RHPN2: variants seen among roughly 807,000 people sequenced by gnomAD.
The protein encoded by RHPN2 is rhophilin Rho GTPase binding protein 2.
RHPN2 carries 40 observed loss-of-function variants against 79.0 expected under a neutral mutation model. That is an observed-to-expected ratio of 0.51 (90% CI 0.39 to 0.66). The LOEUF is 0.66. Ranked by LOEUF, RHPN2 falls within the 30% of genes least tolerant of loss-of-function variation. The pLI is 0.00. For synonymous variants in RHPN2, 285 were observed against 363.5 expected (o/e 0.78, Z 2.46); for missense variants, 686 against 883.5 (o/e 0.78, Z 2.83).
At chr19:32,997,228 C>G (rs910672767) in intron 10 of RHPN2, among the ~76,000 whole-genome samples, 1 of 152,204 alleles carries the variant, frequency 6.6e-6, no homozygotes, top group Non-Finnish European at 1.5e-5. Context: ...TATGTAATAA[C>G]CTCACTTGTG....
intron 1 of RHPN2, 29 bp downstream of exon 1, chr19:33,064,755 T>TGGCCCCCCCC: frequency 5.4e-5 from 77 of 1,427,860 alleles, no homozygotes; most frequent in Non-Finnish European, 6.2e-5. Flanking sequence ...AGCCCGCAGG[T>TGGCCCCCCCC]CCCCGCCCGC....
rs908601267 is a variant in RHPN2 at position 32,979,716 on chromosome 19, G to A, written c.*280C>T. 3 of 404,284 alleles carry A rather than the reference G, an allele frequency of 7.4e-6. No homozygotes were observed. The highest frequency in any genetic ancestry group is 6.1e-5 in the African/African-American group (3 of 49,130). 25.0% of individuals were successfully genotyped at this position (404,284 alleles called of 1,614,324 possible). A position where few individuals can be genotyped will look rare whatever the true frequency, so the allele number is the denominator to read the frequency against. On this transcript the variant is annotated 3_prime_UTR_variant, in exon 15 of 15. Transcript: ENST00000254260. ...GTCATAATTGTCACCATTAAAAATA[G>A]CCATATTTCATATCTTCAACACTAT...
intron 6 of RHPN2, among the ~76,000 whole-genome samples, chr19:33,009,251 G>C (rs1455679743): frequency 6.6e-6 from 1 of 151,864 alleles, no homozygotes; most frequent in African/African-American, 2.4e-5. Flanking sequence ...TGGAAACTAT[G>C]GACTCTGGGT....
chr19:32,981,046 C>T (rs1173885591), intron 14 of RHPN2, among the ~76,000 whole-genome samples: 2 of 151,918 alleles, frequency 1.3e-5, no homozygotes, highest in African/African-American at 2.4e-5. Context: ...CACCCCTTCT[C>T]GATCTCCTGA....
At chr19:33,020,928 C>G (rs1204762429) in intron 4 of RHPN2, among the ~76,000 whole-genome samples, 1 of 152,144 alleles carries the variant, frequency 6.6e-6, no homozygotes, top group African/African-American at 2.4e-5. Flanking sequence ...GAATTGAGTA[C>G]ACAGGAGTTT....
intron 2 of RHPN2, among the ~76,000 whole-genome samples, chr19:33,032,813 G>A (rs1054290782): frequency 2.6e-5 from 4 of 152,104 alleles, no homozygotes; most frequent in African/African-American, 7.2e-5. Flanking sequence ...CTTTTGTCTA[G>A]TGAATATAAA....
At chr19:32,998,507 C>T (rs1266860684) in intron 10 of RHPN2, among the ~76,000 whole-genome samples, 2 of 151,714 alleles carry the variant, frequency 1.3e-5, no homozygotes, top group Admixed American at 6.6e-5. Context: ...ATTAGCCGGG[C>T]GTGGTGGTGC....
intron 9 of RHPN2, among the ~76,000 whole-genome samples, chr19:33,001,415 G>A (rs1971748072): frequency 6.6e-6 from 1 of 152,060 alleles, no homozygotes; most frequent in Admixed American, 6.6e-5. Context: ...AGTGGCATGT[G>A]CCTGTATTCC....
chr19:32,991,772 A>AATC lies in RHPN2; in HGVS notation c.1644+48_1644+50dup, dbSNP rs753791199. ...ACATGGGTGAACCCACCCTAAATTC[A>AATC]ATCACCCAGATATCTGTGTTTGCTG... On this transcript the variant is annotated intron_variant, in intron 13 of 14. Coordinates refer to ENST00000254260, the MANE Select transcript of RHPN2 (RefSeq NM_033103.5). 14 of 1,613,128 alleles carry AATC rather than the reference A, an allele frequency of 8.7e-6. No homozygotes were observed. The South Asian group carries it at 1.5e-4, about 18-fold the overall frequency.
intron 2 of RHPN2, among the ~76,000 whole-genome samples, chr19:33,032,156 G>T (rs1972018733): frequency 6.6e-6 from 1 of 151,788 alleles, no homozygotes; most frequent in Non-Finnish European, 1.5e-5. Context: ...GAGTAGCTGG[G>T]ATTACAGGAG....
At chr19:33,036,958 A>G (rs1303346663) in intron 2 of RHPN2, among the ~76,000 whole-genome samples, 1 of 150,392 alleles carries the variant, frequency 6.6e-6, no homozygotes, top group Non-Finnish European at 1.5e-5. Context: ...AGTCCTATCG[A>G]CCGACCACCC....
chr19:33,063,073 GGA>G (rs1277469164), intron 1 of RHPN2, among the ~76,000 whole-genome samples: 1 of 152,052 alleles, frequency 6.6e-6, no homozygotes, highest in Non-Finnish European at 1.5e-5. Flanking sequence ...GCAACTTGCG[GGA>G]GGCCACACAG....
chr19:33,022,089 C>T (rs1354315654), intron 3 of RHPN2, among the ~76,000 whole-genome samples: 5 of 152,078 alleles, frequency 3.3e-5, no homozygotes, highest in African/African-American at 4.8e-5. Flanking sequence ...TACAGGCACA[C>T]GACACCACAC....
At chr19:32,993,939 C>A (rs766318531) in intron 12 of RHPN2, 38 bp downstream of exon 12, 4 of 1,473,486 alleles carry the variant, frequency 2.7e-6, no homozygotes, top group South Asian at 1.1e-5. Context: ...AAGAGCTGTC[C>A]CCTTAGGTCA....
chr19:33,062,800 AATAATT>A (rs1972292851), intron 1 of RHPN2, among the ~76,000 whole-genome samples: 2 of 136,144 alleles, frequency 1.5e-5, no homozygotes, highest in African/African-American at 2.7e-5. Context: ...TAATAATAAT[AATAATT>A]AATAAATGAA....
In RHPN2 at chr19:33,035,618, C is replaced by G. The variant is rs986128610; in HGVS notation, c.185+8631G>C. Among the ~76,000 whole-genome samples the G allele has an allele frequency of 7.9e-5, 12 of 152,252 alleles. No individual in the cohort carries two copies. In the East Asian group the frequency reaches 1.7e-3, roughly 22 times the overall value. On this transcript the variant is annotated intron_variant, in intron 2 of 14. Coordinates refer to ENST00000254260, the MANE Select transcript of RHPN2 (RefSeq NM_033103.5). Reference sequence around the variant, plus strand: ...GTGTAGGTCAGAGGCGTTCGAAGGACAGCGACTCCATTTTGAGTGAGGGCT... The same window carrying G: ...GTGTAGGTCAGAGGCGTTCGAAGGAGAGCGACTCCATTTTGAGTGAGGGCT...
intron 10 of RHPN2, 139 bp from the exon 11 acceptor site, chr19:32,996,359 T>C: frequency 1.2e-6 from 1 of 805,404 alleles, no homozygotes; most frequent in Non-Finnish European, 2.1e-6. Context: ...ATACCCTACC[T>C]TGTTTTAACC....
At chr19:32,990,323 G>A (rs1192728613) in intron 14 of RHPN2, 191 bp downstream of exon 14, 2 of 673,236 alleles carry the variant, frequency 3.0e-6, no homozygotes, top group Non-Finnish European at 5.2e-6. Context: ...TCTTTAAAAA[G>A]AAAAAGTTTG....
At chr19:33,034,969 T>C (rs1050478043) in intron 2 of RHPN2, among the ~76,000 whole-genome samples, 1 of 152,046 alleles carries the variant, frequency 6.6e-6, no homozygotes, top group South Asian at 2.1e-4. Context: ...TTTTTATTTT[T>C]GAGATGGAGT....
Sources: allele counts gnomAD v4.1 joint callset (sites outside exome capture counted in the v4.1 genomes callset), GRCh38; gene constraint gnomAD v4.1.1; transcripts MANE v1.5; gene names NCBI Gene and HGNC (gene_info 2026-07-23, HGNC 2026-07-21).